IGF2R: variants seen among roughly 807,000 people sequenced by gnomAD.
IGF2R encodes insulin like growth factor 2 receptor, also known as cation-independent mannose-6-phosphate receptor.
Under a neutral mutation model 270.6 loss-of-function variants are expected in IGF2R, and 91 were observed. That is an observed-to-expected ratio of 0.34 (90% CI 0.28 to 0.40). IGF2R has a LOEUF of 0.40. Among genes scored for constraint, IGF2R ranks in the 10% least tolerant of loss-of-function variants. IGF2R has a pLI of 1.00. For missense variants in IGF2R, 2,805 were observed against 3,188.3 expected, an observed-to-expected ratio of 0.88 and a Z score of 2.90; for synonymous variants, 1,316 against 1,258.9, an observed-to-expected ratio of 1.05 and a Z score of -0.96.
Position 160,102,671 on chromosome 6 carries a change from G to A in IGF2R, c.6995G>A (p.Arg2332Lys), listed in dbSNP as rs1583308869. ...CTGTTGCTCTACAAGAAGGAGAGGA[G>A]GTAAGCGGGTGGCAGGGCGAGGTGG... ...LALLLYKKER[R>K]ETVISKLTTC... The change falls in exon 46 of 48, where the codon AGG (arginine) becomes AAG (lysine). Residue 2332 changes from arginine to lysine, a missense_variant and splice_region_variant. Physicochemically the swap from Arg to Lys is conservative, Grantham distance 26. Around this residue, in one of 2 missense-constraint regions of IGF2R, gnomAD observed 1,851 missense variants for 2,207.2 expected, o/e 0.84. Transcript: ENST00000356956. This position sits in a 1 kb window ranked among gnomAD's most constrained non-coding sequence, Gnocchi z 4.5. 1 of 1,596,214 alleles carries A rather than the reference G, an allele frequency of 6.3e-7. No homozygotes were observed. Among genetic ancestry groups the A allele is most frequent in the Non-Finnish European group, 8.6e-7 (1 of 1,169,124 alleles).
chr6:160,044,396 G>A lies in IGF2R; in HGVS notation c.1622-118G>A, dbSNP rs530452320. The A allele has an allele frequency of 1.6e-4, 154 of 976,002 alleles. No homozygotes were observed. In the African/African-American group the frequency reaches 2.4e-3, roughly 15 times the overall value. 60.5% of individuals were successfully genotyped at this position (976,002 alleles called of 1,614,324 possible). ...GCTGGAGAAGGGCTGCACGTGCTGG[G>A]TTTGGGCTGATTTCTTTCTTTCTTT... On this transcript the variant is annotated intron_variant, in intron 12 of 47. Transcript: ENST00000356956.
chr6:160,076,895 C>T (rs1263099192), intron 36 of IGF2R, among the ~76,000 whole-genome samples: 1 of 152,196 alleles, frequency 6.6e-6, no homozygotes, highest in Non-Finnish European at 1.5e-5. Context: ...GATTCCAAGG[C>T]TCATCTGACC....
intron 9 of IGF2R, 92 bp downstream of exon 9, chr6:160,033,199 C>A: frequency 1.2e-6 from 1 of 844,528 alleles, no homozygotes. Flanking sequence ...TGCAGTGGTG[C>A]AATCTCGGTG....
At chr6:160,048,225 C>T (rs767144936) in intron 17 of IGF2R, 150 bp from the exon 18 acceptor site, 37 of 741,848 alleles carry the variant, frequency 5.0e-5, no homozygotes, top group Non-Finnish European at 7.9e-5. Flanking sequence ...AATCCTGGTG[C>T]GTCATGCGCC....
chr6:159,991,847 T>G (rs913994569), intron 2 of IGF2R, among the ~76,000 whole-genome samples: 4 of 152,320 alleles, frequency 2.6e-5, no homozygotes, highest in African/African-American at 7.2e-5. Flanking sequence ...GCCCCTTCTT[T>G]CCTAGGGTTC....
intron 31 of IGF2R, among the ~76,000 whole-genome samples, chr6:160,070,832 A>G (rs1778703421): frequency 6.6e-6 from 1 of 152,190 alleles, no homozygotes; most frequent in South Asian, 2.1e-4. Context: ...GGGGGGCTCC[A>G]GGAGCTTCAG....
chr6:160,064,779 T>C, intron 28 of IGF2R, 25 bp from the exon 29 acceptor site: 1 of 1,485,456 alleles, frequency 6.7e-7, no homozygotes, highest in South Asian at 1.1e-5. Context: ...CTCACTTTTA[T>C]ATATGTGCCT....
intron 9 of IGF2R, among the ~76,000 whole-genome samples, chr6:160,033,779 C>T (rs1777752672): frequency 6.6e-6 from 1 of 152,130 alleles, no homozygotes; most frequent in African/African-American, 2.4e-5. Context: ...TCTGAAGCAC[C>T]ATCAACATAA....
intron 32 of IGF2R, among the ~76,000 whole-genome samples, 187 bp from the exon 33 acceptor site, chr6:160,072,578 C>A (rs1778766112): frequency 6.6e-6 from 1 of 152,228 alleles, no homozygotes; most frequent in African/African-American, 2.4e-5. Context: ...TGGGACATCT[C>A]ATGGATCAAG....
chr6:160,090,054 C>T lies in IGF2R; in HGVS notation c.6606C>T (p.His2202=). ...NICQVKPNDQ[H]FSRKVGTSDK... ...GCCAGGTGAAGCCCAACGATCAGCACTTCAGTCGGAAAGTTGGAACCTCTG... is the reference window on the plus strand; with the variant it reads ...GCCAGGTGAAGCCCAACGATCAGCATTTCAGTCGGAAAGTTGGAACCTCTG... The change falls in exon 44 of 48, where the codon CAC becomes CAT. Residue 2202 remains histidine (H), a synonymous_variant. Coordinates refer to ENST00000356956, the MANE Select transcript of IGF2R (RefSeq NM_000876.4). 1 of 1,591,566 alleles carries T rather than the reference C, an allele frequency of 6.3e-7. No individual in the cohort carries two copies.
rs1779578977 is a variant in IGF2R at position 160,104,896 on chromosome 6, G to GAGAGCTCCCACCCAGTGAGAAACGC, written c.7290_7314dup (p.Gln2439GlufsTer17). 1.2e-6 allele frequency: 2 copies of GAGAGCTCCCACCCAGTGAGAAACGC among 1,614,068 alleles called. No homozygotes were observed. The highest frequency in any genetic ancestry group is 1.7e-6 in the Non-Finnish European group (2 of 1,180,026). On this transcript the variant is annotated frameshift_variant, in exon 48 of 48. Coordinates refer to ENST00000356956, the MANE Select transcript of IGF2R (RefSeq NM_000876.4). LOFTEE classifies it low-confidence loss of function (END_TRUNC). The stretch of plus-strand genomic sequence containing the variant: ...TCACTCGGGCAGGGGAGCTGGGGCA[G>GAGAGCTCCCACCCAGTGAGAAACGC]AGAGCTCCCACCCAGTGAGAAACGC...
chr6:160,005,188 A>C (rs1784197324), intron 2 of IGF2R: 1 of 152,294 alleles, frequency 6.6e-6, no homozygotes. Flanking sequence ...TTTGTACATA[A>C]AAGATGATAC....
chr6:160,056,512 C>T lies in IGF2R; in HGVS notation c.2783C>T (p.Thr928Met), dbSNP rs373268009. The change falls in exon 20 of 48, where the codon ACG becomes ATG. Residue 928 changes from threonine (T) to methionine (M), a missense_variant. By Grantham distance (81) the Thr-to-Met change is moderately conservative (BLOSUM62 -1). Transcript: ENST00000356956. Reference sequence around the variant, plus strand: ...GCTGCCTGTCCCATTCAGACAACGACGGATACAGACCAGGTACGTGTGCTT... The same window carrying T: ...GCTGCCTGTCCCATTCAGACAACGATGGATACAGACCAGGTACGTGTGCTT... ...TEAACPIQTT[T>M]DTDQACSIRD... The T allele has an allele frequency of 8.6e-5, 138 of 1,610,402 alleles. No individual in the cohort carries two copies. Among genetic ancestry groups the T allele is most frequent in the Non-Finnish European group, 1.1e-4 (126 of 1,176,608 alleles).
At chr6:160,076,542 T>C (rs1274036126) in intron 36 of IGF2R, among the ~76,000 whole-genome samples, 2 of 152,242 alleles carry the variant, frequency 1.3e-5, no homozygotes, top group Non-Finnish European at 2.9e-5. Flanking sequence ...GGACGTTTTC[T>C]TTTGATCCCT....
intron 14 of IGF2R, 70 bp from the exon 15 acceptor site, chr6:160,046,428 G>A: frequency 6.9e-7 from 1 of 1,454,998 alleles, no homozygotes; most frequent in East Asian, 2.3e-5. Context: ...CTTTCAAACT[G>A]TGGGGTGAGA....
At chr6:159,993,636 T>C (rs1021746761) in intron 2 of IGF2R, among the ~76,000 whole-genome samples, 4 of 152,224 alleles carry the variant, frequency 2.6e-5, no homozygotes, top group African/African-American at 9.7e-5. Context: ...CAGGTATAAT[T>C]TGAAGTCAGG....
At chr6:159,986,808 G>T (rs1336725119) in intron 1 of IGF2R, among the ~76,000 whole-genome samples, 1 of 150,540 alleles carries the variant, frequency 6.6e-6, no homozygotes, top group Non-Finnish European at 1.5e-5. Context: ...ACTTAGTCTA[G>T]AATGTAGGCT....
At chr6:160,040,475 C>T in intron 10 of IGF2R, 85 bp from the exon 11 acceptor site, 1 of 1,168,744 alleles carries the variant, frequency 8.6e-7, no homozygotes. Context: ...TGGCATTGGT[C>T]CTGTTCAGTT....
At chr6:160,040,393 T>G (rs1777918128) in intron 10 of IGF2R, among the ~76,000 whole-genome samples, 167 bp from the exon 11 acceptor site, 1 of 152,230 alleles carries the variant, frequency 6.6e-6, no homozygotes, top group East Asian at 1.9e-4. Flanking sequence ...TGAAGCTTAA[T>G]AGAAGCCTGT....
Sources: allele counts gnomAD v4.1 joint callset (sites outside exome capture counted in the v4.1 genomes callset), GRCh38; gene constraint gnomAD v4.1.1; regional missense constraint gnomAD v4.1.1; non-coding constraint Gnocchi (gnomAD v3.1); transcripts MANE v1.5; gene names NCBI Gene and HGNC (gene_info 2026-07-23, HGNC 2026-07-21).